The following CDCA7L variants were observed in gnomAD, a reference collection of about 807,000 sequenced individuals.
The protein encoded by CDCA7L is cell division cycle-associated 7-like protein.
CDCA7L carries 44 observed loss-of-function variants against 57.4 expected under a neutral mutation model. That is an observed-to-expected ratio of 0.77 (90% CI 0.60 to 0.98). The LOEUF is 0.98. Among genes scored for constraint, CDCA7L ranks in the 50% least tolerant of loss-of-function variants. The pLI is 0.00. For missense variants in CDCA7L, 644 were observed against 580.6 expected (o/e 1.11, Z -1.12); for synonymous variants, 236 against 202.8 (o/e 1.16, Z -1.39).
rs1311697391 is a variant in CDCA7L, at chr7:21,903,083, C to T, written c.1229G>A (p.Cys410Tyr). The T allele has an allele frequency of 3.1e-6, 5 of 1,613,970 alleles. No homozygotes were observed. The highest frequency in any genetic ancestry group is 4.2e-6 in the Non-Finnish European group (5 of 1,179,948). Residue 410 changes from cysteine (C) to tyrosine (Y), a missense_variant, in exon 9 of 10, where the codon TGC (cysteine) becomes TAC (tyrosine). Physicochemically the swap from Cys to Tyr is radical, Grantham distance 194 (BLOSUM62 -2). Transcript: ENST00000406877. ...DWVCPPCRGICNCSYCRKRDG... is the reference protein window; with the variant it reads ...DWVCPPCRGIYNCSYCRKRDG... Reference sequence around the variant, plus strand: ...ACGCTTCCGACAGTAGCTGCAATTGCAGATCCCACGACAGGGGGGACACAC... The same window carrying T: ...ACGCTTCCGACAGTAGCTGCAATTGTAGATCCCACGACAGGGGGGACACAC...
In CDCA7L at chr7:21,902,333, C is replaced by G. The variant is rs569049138; in HGVS notation, c.1354G>C (p.Glu452Gln). The change falls in exon 10 of 10, where the codon GAA becomes CAA. Residue 452 changes from glutamate (E) to glutamine (Q), a missense_variant. Physicochemically the swap from Glu to Gln is conservative, Grantham distance 29. Transcript: ENST00000406877. The part of the protein sequence containing the change: ...YLESLQKELV[E>Q]DN Reference sequence around the variant, plus strand: ...TGTTTGTTTTCCTCTTAATTGTCTTCTACCAGCTCCTTTTGTAAGCTGGGA... The same window carrying G: ...TGTTTGTTTTCCTCTTAATTGTCTTGTACCAGCTCCTTTTGTAAGCTGGGA... 3 of 1,613,748 alleles carry G rather than the reference C, an allele frequency of 1.9e-6. No individual in the cohort carries two copies. The East Asian group carries it at 6.7e-5, about 36-fold the overall frequency.
intron 1 of CDCA7L, among the ~76,000 whole-genome samples, chr7:21,943,055 T>C (rs1786392547): frequency 6.6e-6 from 1 of 152,234 alleles, no homozygotes; most frequent in East Asian, 1.9e-4. Context: ...ATTCAGTGCC[T>C]ACCAGTTTCT....
At chr7:21,902,600 G>C in intron 9 of CDCA7L, 1 of 496,522 alleles carries the variant, frequency 2.0e-6, no homozygotes, top group Non-Finnish European at 3.6e-6. Context: ...AATGAAACTT[G>C]TAACTCACAT....
Position 21,906,324 on chromosome 7 carries a change from C to T in CDCA7L, c.886G>A (p.Glu296Lys), listed in dbSNP as rs748589038. 6.2e-7 allele frequency: 1 copy of T among 1,607,774 alleles called. No homozygotes were observed. Among genetic ancestry groups the T allele is most frequent in the Non-Finnish European group, 8.5e-7 (1 of 1,177,928 alleles). ...FTVSAAKFAEEFYSFRRRKTI... is the reference protein window; with the variant it reads ...FTVSAAKFAEKFYSFRRRKTI... The stretch of plus-strand genomic sequence containing the variant: ...TTCCTTCTTCGGAAGCTGTAAAACT[C>T]TTCCGCAAATTTAGCGGCTGAGACA... The change falls in exon 6 of 10, where the codon GAG (glutamate) becomes AAG (lysine). Residue 296 changes from glutamate to lysine, a missense_variant. Physicochemically the swap from Glu to Lys is moderately conservative, Grantham distance 56 (BLOSUM62 1). Transcript: ENST00000406877.
intron 1 of CDCA7L, among the ~76,000 whole-genome samples, chr7:21,918,498 T>A (rs1785557461): frequency 6.6e-6 from 1 of 152,198 alleles, no homozygotes; most frequent in Non-Finnish European, 1.5e-5. Flanking sequence ...GGCTCTTAAA[T>A]CCCTTCTCAT....
chr7:21,940,634 G>A (rs1466791309), intron 1 of CDCA7L, among the ~76,000 whole-genome samples: 1 of 152,206 alleles, frequency 6.6e-6, no homozygotes, highest in Non-Finnish European at 1.5e-5. Context: ...TGGATGGGAA[G>A]ACTTCCAGGA....
intron 1 of CDCA7L, among the ~76,000 whole-genome samples, chr7:21,928,179 C>T (rs1264620882): frequency 6.6e-6 from 1 of 152,166 alleles, no homozygotes; most frequent in Non-Finnish European, 1.5e-5. Context: ...GGGCCTCCAG[C>T]AAACTAACTC....
intron 1 of CDCA7L, among the ~76,000 whole-genome samples, chr7:21,943,200 C>A (rs1270436064): frequency 6.6e-6 from 1 of 152,186 alleles, no homozygotes; most frequent in Admixed American, 6.5e-5. Context: ...GTGGTCAGCA[C>A]GACAAGACTA....
intron 2 of CDCA7L, among the ~76,000 whole-genome samples, chr7:21,914,192 C>G (rs1293083687): frequency 1.3e-5 from 2 of 152,146 alleles, no homozygotes; most frequent in Admixed American, 1.3e-4. Context: ...AGACAAGCAC[C>G]CCATTTCAAC....
Position 21,905,562 on chromosome 7 carries a change from C to A in CDCA7L, c.991G>T (p.Glu331Ter), listed in dbSNP as rs891581588. Residue 331 changes from glutamate (E) to a stop codon, truncating the protein, a stop_gained, in exon 7 of 10, where the codon GAG becomes TAG. Coordinates refer to ENST00000406877, the MANE Select transcript of CDCA7L (RefSeq NM_018719.5). LOFTEE classifies it high-confidence loss of function. ...SFRPVEDITE[E>*]DLENVAITVR... ...GTTATGGCAACATTTTCTAAGTCCT[C>A]TTCGGTGATATCCTCCACTGGCCGA... 6.2e-7 allele frequency: 1 copy of A among 1,613,984 alleles called. No homozygotes were observed.
At chr7:21,903,218 T>TAATC in intron 8 of CDCA7L, 104 bp from the exon 9 acceptor site, 4 of 1,078,724 alleles carry the variant, frequency 3.7e-6, no homozygotes, top group East Asian at 5.3e-5. Flanking sequence ...CTCCAACCTT[T>TAATC]AATCACATGG....
chr7:21,909,626 A>G (rs537369599), intron 3 of CDCA7L, among the ~76,000 whole-genome samples: 54 of 152,324 alleles, frequency 3.5e-4, no homozygotes, highest in African/African-American at 1.1e-3. Context: ...TAATACCCTG[A>G]ACTTCCCATA....
chr7:21,904,476 ACAG>A (rs1451525931), intron 7 of CDCA7L, among the ~76,000 whole-genome samples: 2 of 152,116 alleles, frequency 1.3e-5, no homozygotes, highest in East Asian at 3.8e-4. Context: ...ACCGGGCTGC[ACAG>A]CAGGAAGTGA....
chr7:21,934,943 AAT>A (rs55700045), intron 1 of CDCA7L, among the ~76,000 whole-genome samples: 55,278 of 151,934 alleles, frequency 0.36, 11,872 homozygotes, highest in Non-Finnish European at 0.48. Flanking sequence ...TGAATGAAGA[AAT>A]AGACTGTTCT....
intron 8 of CDCA7L, chr7:21,903,901 AC>A (rs544421341): frequency 5.1e-4 from 214 of 415,958 alleles, no homozygotes; most frequent in African/African-American, 3.9e-3. Flanking sequence ...AAATCTAACA[AC>A]ATTAATTCTT....
chr7:21,925,907 T>A (rs931391212), intron 1 of CDCA7L, among the ~76,000 whole-genome samples: 3 of 151,994 alleles, frequency 2.0e-5, no homozygotes, highest in Non-Finnish European at 2.9e-5. Flanking sequence ...GATCATCAGA[T>A]TGTGATGGGA....
intron 1 of CDCA7L, among the ~76,000 whole-genome samples, chr7:21,937,651 A>G (rs1039796131): frequency 6.6e-6 from 1 of 152,020 alleles, no homozygotes; most frequent in African/African-American, 2.4e-5. Flanking sequence ...AAAAAGAAAA[A>G]AAAAAAAAAG....
rs957217135 is a variant in CDCA7L, at chr7:21,906,693, G to A, written c.682-54C>T. 3 of 1,539,170 alleles carry A rather than the reference G, an allele frequency of 1.9e-6. No homozygotes were observed. The African/African-American group carries it at 4.1e-5, about 21-fold the overall frequency. On this transcript the variant is annotated intron_variant, in intron 4 of 9. Transcript: ENST00000406877. Reference sequence around the variant, plus strand: ...TACAAAAATAGGGCTCCAGGTTTAGGTCATCCAACACCTATCTCAAGTCTT... The same window carrying A: ...TACAAAAATAGGGCTCCAGGTTTAGATCATCCAACACCTATCTCAAGTCTT...
At chr7:21,925,168 C>A (rs1785784161) in intron 1 of CDCA7L, among the ~76,000 whole-genome samples, 1 of 152,064 alleles carries the variant, frequency 6.6e-6, no homozygotes, top group African/African-American at 2.4e-5. Context: ...TTGCTAAAAA[C>A]CTCATACAAA....
Sources: allele counts gnomAD v4.1 joint callset (sites outside exome capture counted in the v4.1 genomes callset), GRCh38; gene constraint gnomAD v4.1.1; transcripts MANE v1.5; gene names NCBI Gene and HGNC (gene_info 2026-07-23, HGNC 2026-07-21).